The following TENM2 variants were observed in gnomAD, a reference collection of about 807,000 sequenced individuals.
The protein encoded by TENM2 is teneurin-2.
Under a neutral mutation model 245.2 loss-of-function variants are expected in TENM2, and 52 were observed. That is an observed-to-expected ratio of 0.21 (90% CI 0.17 to 0.27). The LOEUF (loss-of-function observed/expected upper bound fraction) is 0.27, where lower values mean the gene tolerates loss of function less well. Among genes scored for constraint, TENM2 ranks in the 10% least tolerant of loss-of-function variants. The pLI is 1.00. For missense variants in TENM2, 3,046 were observed against 3,666.8 expected (o/e 0.83, Z 4.37); for synonymous variants, 1,363 against 1,438.9 (o/e 0.95, Z 1.19).
chr5:167,353,509 T>TTTTTG (rs2127851160), intron 1 of TENM2, among the ~76,000 whole-genome samples: 1 of 102,538 alleles, frequency 9.8e-6, no homozygotes, highest in African/African-American at 4.9e-5. Context: ...TGTTTTTTTT[T>TTTTTG]TTTTTTTTTT....
the TENM2 span, among the ~76,000 whole-genome samples, chr5:167,133,830 A>T: frequency 2.0e-5 from 3 of 152,096 alleles, no homozygotes; most frequent in Non-Finnish European, 4.4e-5. Flanking sequence ...GGGCGAAAAA[A>T]AAAAAGGAAA....
At chr5:167,300,618 G>C (rs138842223) in intron 1 of TENM2, among the ~76,000 whole-genome samples, 4 of 152,190 alleles carry the variant, frequency 2.6e-5, no homozygotes, top group East Asian at 2.0e-4. Context: ...CTTTTAAAGC[G>C]TGCTGTGGGA....
intron 1 of TENM2, among the ~76,000 whole-genome samples, chr5:167,311,105 G>A (rs1304586000): frequency 1.3e-5 from 2 of 152,188 alleles, no homozygotes; most frequent in Non-Finnish European, 2.9e-5. Flanking sequence ...GGGCTTAGGG[G>A]ACACTGGACA....
chr5:167,434,565 C>CA (rs1294347811), intron 2 of TENM2, among the ~76,000 whole-genome samples: 1 of 151,738 alleles, frequency 6.6e-6, no homozygotes, highest in Admixed American at 6.6e-5. Context: ...GATGTAATCT[C>CA]AAAAAATGAA....
intron 3 of TENM2, among the ~76,000 whole-genome samples, chr5:167,878,573 C>CTGTG (rs10573629): frequency 0.026 from 3,886 of 150,096 alleles, 165 homozygotes; most frequent in African/African-American, 0.09. Context: ...GTGCTCACGT[C>CTGTG]TGTGTGTGTG....
chr5:167,356,804 C>T (rs865868240), intron 1 of TENM2, among the ~76,000 whole-genome samples: 1 of 152,176 alleles, frequency 6.6e-6, no homozygotes, highest in Non-Finnish European at 1.5e-5. Flanking sequence ...CTTTCATGGG[C>T]CTTAGGCATG....
At chr5:168,195,046 G>A in intron 14 of TENM2, 130 bp from the exon 17 acceptor site, 1 of 1,091,280 alleles carries the variant, frequency 9.2e-7, no homozygotes, top group Non-Finnish European at 1.3e-6. Context: ...ATTGTGCAAA[G>A]CCAGAAGTTA....
At chr5:167,965,228 C>A (rs1333021079) in intron 4 of TENM2, 1 of 152,056 alleles carries the variant, frequency 6.6e-6, no homozygotes, top group African/African-American at 2.4e-5. Flanking sequence ...GAAGAAGGAA[C>A]AGGTTTTTGT....
intron 5 of TENM2, among the ~76,000 whole-genome samples, chr5:168,039,226 G>A (rs980462540): frequency 7.2e-5 from 11 of 152,172 alleles, no homozygotes; most frequent in South Asian, 2.1e-4. Context: ...TGGTGGCCGC[G>A]TGCCACGTGC....
the TENM2 span, among the ~76,000 whole-genome samples, chr5:167,026,184 G>T: frequency 4.0e-4 from 61 of 152,300 alleles, 2 homozygotes; most frequent in African/African-American, 1.4e-3. Context: ...GCCAAATCTG[G>T]CGCATAATCC....
intron 2 of TENM2, among the ~76,000 whole-genome samples, chr5:167,419,397 G>A (rs1411702213): frequency 6.6e-6 from 1 of 152,208 alleles, no homozygotes; most frequent in East Asian, 1.9e-4. Context: ...GGAGGTGGAG[G>A]TTGCAGTGAG....
intron 12 of TENM2, among the ~76,000 whole-genome samples, chr5:168,161,539 A>C (rs964400560): frequency 2.0e-5 from 3 of 152,122 alleles, no homozygotes; most frequent in Non-Finnish European, 4.4e-5. Flanking sequence ...AAATGAAAAC[A>C]TGTCTAGGAA....
chr5:168,037,695 C>T (rs1209797137), intron 5 of TENM2, among the ~76,000 whole-genome samples: 3 of 152,140 alleles, frequency 2.0e-5, no homozygotes, highest in Non-Finnish European at 4.4e-5. Flanking sequence ...TGCACACAGA[C>T]ACCAGAATTC....
At chr5:168,238,251 AAAGAAAAGAAAAG>A (rs1765747373) in intron 25 of TENM2, among the ~76,000 whole-genome samples, 3 of 146,132 alleles carry the variant, frequency 2.1e-5, no homozygotes, top group Non-Finnish European at 4.5e-5. Flanking sequence ...AAAGAAAAGA[AAAGAAAAGAAAAG>A]AAAAGAAAAG....
At chr5:167,486,131 C>A (rs140662502) in intron 2 of TENM2, among the ~76,000 whole-genome samples, 1 of 151,918 alleles carries the variant, frequency 6.6e-6, no homozygotes, top group Non-Finnish European at 1.5e-5. Flanking sequence ...CCTGTTCCAA[C>A]GTACTGCAAA....
chr5:167,035,307 TG>T, the TENM2 span, among the ~76,000 whole-genome samples: 1 of 152,226 alleles, frequency 6.6e-6, no homozygotes, highest in African/African-American at 2.4e-5. Context: ...CACATTGGTT[TG>T]ATGCTATTAG....
At chr5:167,856,101 A>G (rs943822878) in intron 2 of TENM2, among the ~76,000 whole-genome samples, 6 of 152,098 alleles carry the variant, frequency 3.9e-5, no homozygotes, top group African/African-American at 1.4e-4. Flanking sequence ...GGTACAAACT[A>G]TTTTAGTTTG....
exon 2 of TENM2, chr5:167,375,446 A>G: frequency 6.4e-7 from 1 of 1,551,748 alleles, no homozygotes. Context: ...TGACTCTGAC[A>G]ACGAAAACAA....
intron 2 of TENM2, among the ~76,000 whole-genome samples, chr5:167,757,754 G>A (rs564466964): frequency 1.3e-5 from 2 of 152,194 alleles, no homozygotes; most frequent in East Asian, 1.9e-4. Context: ...CCAGCATCTG[G>A]TGTTTCCTGA....
Sources: gnomAD v4.1 joint callset for allele counts (sites outside exome capture counted in the v4.1 genomes callset) on GRCh38, gnomAD v4.1.1 for gene constraint, MANE v1.5 for transcripts, NCBI Gene and HGNC (gene_info 2026-07-23, HGNC 2026-07-21) for gene names.